Variants in PLD5 observed in about 807,000 individuals in gnomAD.
PLD5 encodes phospholipase D family member 5, also known as inactive phospholipase D5.
A neutral mutation model predicts 61.1 loss-of-function variants in PLD5; 36 were observed. The ratio of observed to expected loss-of-function variants is 0.59; its 90% CI spans 0.45 to 0.78. The LOEUF (loss-of-function observed/expected upper bound fraction) is 0.78, where lower values mean the gene tolerates loss of function less well. PLD5 is among the 30% of genes least tolerant of loss of function. The pLI, the probability that PLD5 is intolerant of heterozygous loss-of-function variation, is 0.00. For missense variants in PLD5, 515 were observed against 644.4 expected (o/e 0.80, Z 2.17); for synonymous variants, 243 against 242.8 (o/e 1.00, Z -0.01).
chr1:242,217,703 C>A (rs1268288475), intron 5 of PLD5, among the ~76,000 whole-genome samples: 3 of 152,098 alleles, frequency 2.0e-5, no homozygotes, highest in Non-Finnish European at 2.9e-5. Flanking sequence ...TAGATTCTAA[C>A]CCTCATGGAT....
At chr1:242,154,500 A>C (rs554380593) in intron 5 of PLD5, among the ~76,000 whole-genome samples, 11 of 152,244 alleles carry the variant, frequency 7.2e-5, no homozygotes, top group Admixed American at 3.3e-4. Flanking sequence ...AGCTCTTATT[A>C]TTTTGAGATA....
chr1:242,525,875 T>G (rs1342346384), upstream of PLD5, among the ~76,000 whole-genome samples: 1 of 152,230 alleles, frequency 6.6e-6, no homozygotes, highest in South Asian at 2.1e-4. Context: ...AATAAAATCC[T>G]GTGCACATTC....
chr1:242,334,979 T>C (rs1659416399), intron 2 of PLD5, among the ~76,000 whole-genome samples: 1 of 152,216 alleles, frequency 6.6e-6, no homozygotes, highest in South Asian at 2.1e-4. Flanking sequence ...CTATTTCTTC[T>C]ATGTATGCAA....
intron 4 of PLD5, among the ~76,000 whole-genome samples, chr1:242,242,086 G>A (rs867015129): frequency 6.8e-6 from 1 of 147,992 alleles, no homozygotes; most frequent in East Asian, 2.0e-4. Context: ...TTGACAAAAT[G>A]ATCATTAAAA....
chr1:242,325,740 T>C (rs1213340223), intron 2 of PLD5, among the ~76,000 whole-genome samples: 1 of 151,986 alleles, frequency 6.6e-6, no homozygotes, highest in African/African-American at 2.4e-5. Context: ...CCTGGAGTAA[T>C]GAGAATAGGC....
chr1:242,505,916 T>G (rs1668704734), intron 1 of PLD5, among the ~76,000 whole-genome samples: 4 of 152,150 alleles, frequency 2.6e-5, no homozygotes, highest in Admixed American at 6.5e-5. Context: ...GAGTTGAAAA[T>G]GAAAAGTATT....
chr1:242,404,883 T>TC, intron 1 of PLD5, among the ~76,000 whole-genome samples: 1 of 133,554 alleles, frequency 7.5e-6, no homozygotes, highest in East Asian at 2.2e-4. Flanking sequence ...TAATTTTTTT[T>TC]TTTTTTTTTT....
intron 5 of PLD5, among the ~76,000 whole-genome samples, chr1:242,206,373 T>C (rs904590468): frequency 1.3e-5 from 2 of 152,202 alleles, no homozygotes; most frequent in African/African-American, 2.4e-5. Context: ...CCAGATCTCA[T>C]AGTCATCATC....
At chr1:242,445,740 G>A (rs1023351231) in intron 1 of PLD5, among the ~76,000 whole-genome samples, 6 of 148,896 alleles carry the variant, frequency 4.0e-5, no homozygotes, top group African/African-American at 1.2e-4. Context: ...AAGAATTACA[G>A]TGAGGGGGTT....
At chr1:242,523,146 T>C (rs1475859800) in intron 1 of PLD5, among the ~76,000 whole-genome samples, 1 of 152,098 alleles carries the variant, frequency 6.6e-6, no homozygotes, top group Non-Finnish European at 1.5e-5. Flanking sequence ...CTGACCCAAA[T>C]ACAAGGAAAC....
chr1:242,196,918 A>G (rs1036178247), intron 5 of PLD5, among the ~76,000 whole-genome samples: 1 of 152,136 alleles, frequency 6.6e-6, no homozygotes, highest in African/African-American at 2.4e-5. Flanking sequence ...GGGATGATGT[A>G]TACCCCTTCA....
At chr1:242,366,807 T>C (rs991733637) in intron 1 of PLD5, among the ~76,000 whole-genome samples, 1 of 152,112 alleles carries the variant, frequency 6.6e-6, no homozygotes, top group African/African-American at 2.4e-5. Flanking sequence ...CAATAAATAT[T>C]TGTCAAATGA....
chr1:242,216,770 G>A lies in PLD5; in HGVS notation c.735+3218C>T, dbSNP rs114632522. Among the ~76,000 whole-genome samples the A allele has an allele frequency of 2.1e-3, 314 of 152,216 alleles. 1 individual carries two copies. Among genetic ancestry groups the A allele is most frequent in the African/African-American group, 7.1e-3 (296 of 41,546 alleles). ...TGTCTCTCATCCATCACTGAGTTAG[G>A]GTCTGTGGGTCAGACCCCCACACAC... On this transcript the variant is annotated intron_variant, in intron 5 of 9. Transcript: ENST00000536534.
intron 1 of PLD5, among the ~76,000 whole-genome samples, chr1:242,449,827 A>T (rs1422699597): frequency 6.6e-6 from 1 of 152,162 alleles, no homozygotes; most frequent in Non-Finnish European, 1.5e-5. Flanking sequence ...AGTAAAGGAG[A>T]ATCCTGCCTA....
intron 1 of PLD5, among the ~76,000 whole-genome samples, chr1:242,514,497 A>G (rs1669036953): frequency 6.6e-6 from 1 of 152,226 alleles, no homozygotes; most frequent in South Asian, 2.1e-4. Context: ...TACTGGGCTT[A>G]AGACCTGGTG....
rs541923846 is a variant in PLD5 at position 242,150,703 on chromosome 1, C to CT, written c.736-26039dup. ...TTTAGCCTATTTATATTTAAAGTGGCTTTTTTGTGGACCATGCATAGTTGG... is the reference window on the plus strand; with the variant it reads ...TTTAGCCTATTTATATTTAAAGTGGCTTTTTTTGTGGACCATGCATAGTTGG... On this transcript the variant is annotated intron_variant, in intron 5 of 9. Transcript: ENST00000536534. Among the ~76,000 whole-genome samples the CT allele has an allele frequency of 4.2e-4, 64 of 151,802 alleles. 1 individual carries two copies. Among genetic ancestry groups the CT allele is most frequent in the African/African-American group, 1.4e-3 (57 of 41,476 alleles).
intron 1 of PLD5, among the ~76,000 whole-genome samples, chr1:242,374,044 C>T (rs1250348189): frequency 1.3e-5 from 2 of 151,950 alleles, no homozygotes; most frequent in Non-Finnish European, 2.9e-5. Context: ...GTTCATACAG[C>T]CATCACTATC....
intron 1 of PLD5, among the ~76,000 whole-genome samples, chr1:242,413,669 T>C (rs923915287): frequency 4.6e-5 from 7 of 152,162 alleles, no homozygotes; most frequent in African/African-American, 1.7e-4. Context: ...GCAGTTGATG[T>C]GCAGACAGCA....
chr1:242,245,799 G>C (rs1350370577), intron 4 of PLD5, among the ~76,000 whole-genome samples: 1 of 152,062 alleles, frequency 6.6e-6, no homozygotes, highest in Non-Finnish European at 1.5e-5. Flanking sequence ...AGACTGTTCT[G>C]GTGTTAGTGG....
Sources: gnomAD v4.1 joint callset for allele counts (sites outside exome capture counted in the v4.1 genomes callset) on GRCh38, gnomAD v4.1.1 for gene constraint, MANE v1.5 for transcripts, NCBI Gene and HGNC (gene_info 2026-07-23, HGNC 2026-07-21) for gene names.